The following TENM4 variants were observed in gnomAD, a reference collection of about 807,000 sequenced individuals.
The protein encoded by TENM4 is teneurin-4.
In TENM4, 82 loss-of-function variants were observed where a neutral mutation model predicts 243.3. The ratio of observed to expected loss-of-function variants is 0.34; its 90% confidence interval spans 0.28 to 0.40. The LOEUF is 0.40. Ranked by LOEUF, TENM4 falls within the 10% of genes least tolerant of loss-of-function variation. The probability of loss-of-function intolerance (pLI) is 1.00; values close to 1 mark genes in which losing one functional copy is unlikely to be tolerated. For missense variants in TENM4, 3,138 were observed against 3,673.3 expected (o/e 0.85, Z 3.77); for synonymous variants, 1,412 against 1,456.3 (o/e 0.97, Z 0.69).
chr11:79,030,186 C>T (rs1465630800), intron 6 of TENM4, among the ~76,000 whole-genome samples: 1 of 152,142 alleles, frequency 6.6e-6, no homozygotes, highest in Non-Finnish European at 1.5e-5. Context: ...TTTCATGTAC[C>T]AGGTACTGTG....
chr11:79,418,388 C>T (rs1858862447), intron 1 of TENM4, among the ~76,000 whole-genome samples: 1 of 152,140 alleles, frequency 6.6e-6, no homozygotes, highest in South Asian at 2.1e-4. Flanking sequence ...GTATGCAGGA[C>T]ATGAAAACAA....
chr11:79,009,678 G>A (rs151159881), intron 6 of TENM4, among the ~76,000 whole-genome samples: 11 of 152,242 alleles, frequency 7.2e-5, no homozygotes, highest in East Asian at 1.9e-4. Flanking sequence ...TCCATTTTGC[G>A]GATGAGGAAA....
chr11:78,847,897 G>A (rs774694927), intron 12 of TENM4, among the ~76,000 whole-genome samples: 13 of 152,216 alleles, frequency 8.5e-5, no homozygotes, highest in East Asian at 3.9e-4. Flanking sequence ...TTTTCTCTCC[G>A]GATCTTTGCA....
At chr11:79,391,331 T>C (rs577750) in intron 1 of TENM4, among the ~76,000 whole-genome samples, 64,137 of 151,720 alleles carry the variant, frequency 0.42, 13,527 homozygotes, top group Non-Finnish European at 0.46. Flanking sequence ...AGCCTGCAGA[T>C]GCATTTACTC....
At chr11:79,129,236 A>C (rs2137155347) in intron 4 of TENM4, among the ~76,000 whole-genome samples, 1 of 149,728 alleles carries the variant, frequency 6.7e-6, no homozygotes, top group Middle Eastern at 3.4e-3. Flanking sequence ...GAGCCCAAGC[A>C]GGCCATTCCT....
chr11:78,928,631 G>C (rs778967040), intron 6 of TENM4, among the ~76,000 whole-genome samples: 24 of 152,208 alleles, frequency 1.6e-4, no homozygotes, highest in Non-Finnish European at 2.2e-4. Flanking sequence ...TTTGCTAGCT[G>C]TGTGACTTTG....
chr11:79,044,596 T>C (rs111885797), intron 6 of TENM4, among the ~76,000 whole-genome samples: 334 of 152,346 alleles, frequency 2.2e-3, no homozygotes, highest in African/African-American at 7.8e-3. Flanking sequence ...GAAACTATTA[T>C]GGAGGAAACA....
At chr11:79,434,486 C>T (rs2135620227) in intron 1 of TENM4, among the ~76,000 whole-genome samples, 1 of 152,272 alleles carries the variant, frequency 6.6e-6, no homozygotes, top group South Asian at 2.1e-4. Flanking sequence ...ATGGAGCCAG[C>T]CCCACCTACA....
At chr11:78,857,063 A>C (rs1858697781) in intron 10 of TENM4, among the ~76,000 whole-genome samples, 1 of 149,172 alleles carries the variant, frequency 6.7e-6, no homozygotes, top group Non-Finnish European at 1.5e-5. Flanking sequence ...TTTAGTAATT[A>C]AGCACACTCA....
At chr11:78,714,666 G>A (rs1325801117) in intron 25 of TENM4, among the ~76,000 whole-genome samples, 1 of 152,070 alleles carries the variant, frequency 6.6e-6, no homozygotes, top group Non-Finnish European at 1.5e-5. Context: ...CTGCTGTGCT[G>A]CTCCACCCTC....
At chr11:79,001,888 C>T (rs909625912) in intron 6 of TENM4, among the ~76,000 whole-genome samples, 1 of 152,174 alleles carries the variant, frequency 6.6e-6, no homozygotes, top group African/African-American at 2.4e-5. Context: ...CAGAACATCC[C>T]CTGCCAATGT....
chr11:78,996,776 A>G lies in TENM4; in HGVS notation c.493+67962T>C, dbSNP rs527571410. ...CTAGGAAACAGCATGTTTATGGTAC[A>G]CTGTAGACAGTGCAGTGATTAAGGG... is the stretch of plus-strand genomic sequence containing the variant. On this transcript the variant is annotated intron_variant, in intron 6 of 33. Coordinates refer to ENST00000278550, the MANE Select transcript of TENM4 (RefSeq NM_001098816.3). Among the ~76,000 whole-genome samples the G allele has an allele frequency of 3.9e-5, 6 of 152,252 alleles. 1 individual carries two copies. In the South Asian group the frequency reaches 1.0e-3, roughly 26 times the overall value.
At chr11:79,374,094 T>C (rs1857841357) in intron 1 of TENM4, among the ~76,000 whole-genome samples, 1 of 152,142 alleles carries the variant, frequency 6.6e-6, no homozygotes, top group Non-Finnish European at 1.5e-5. Flanking sequence ...ACAATTTTCA[T>C]GAATTCAAGC....
intron 10 of TENM4, 74 bp downstream of exon 10, chr11:78,862,888 G>A (rs1858858505): frequency 9.3e-6 from 12 of 1,291,174 alleles, no homozygotes; most frequent in South Asian, 2.6e-5. Context: ...CATGATGCAC[G>A]CACGTTATGG....
chr11:78,691,040 A>G (rs546763172), intron 28 of TENM4, among the ~76,000 whole-genome samples: 35 of 152,244 alleles, frequency 2.3e-4, no homozygotes, highest in Admixed American at 2.0e-3. Flanking sequence ...CTTTGACACC[A>G]CTCCTACCAT....
At chr11:79,076,769 A>G (rs1860545427) in intron 4 of TENM4, among the ~76,000 whole-genome samples, 1 of 152,204 alleles carries the variant, frequency 6.6e-6, no homozygotes, top group African/African-American at 2.4e-5. Context: ...AGGAAAAGAA[A>G]GGGCTAGTAA....
chr11:79,186,802 CT>C (rs1863388506), intron 3 of TENM4, among the ~76,000 whole-genome samples: 1 of 152,164 alleles, frequency 6.6e-6, no homozygotes, highest in African/African-American at 2.4e-5. Context: ...TGAATCTATA[CT>C]TGAATGCACT....
chr11:78,726,229 G>T lies in TENM4; in HGVS notation c.3407-7C>A. On this transcript the variant is annotated splice_polypyrimidine_tract_variant and splice_region_variant and intron_variant, in intron 22 of 33. Coordinates refer to ENST00000278550, the MANE Select transcript of TENM4 (RefSeq NM_001098816.3). ...TATTCATAACCCACGGAAACTGTAGGTGACAGAATGAGGCAAAATGCATAA... is the reference window on the plus strand; with the variant it reads ...TATTCATAACCCACGGAAACTGTAGTTGACAGAATGAGGCAAAATGCATAA... 6.2e-7 allele frequency: 1 copy of T among 1,613,394 alleles called. No individual in the cohort carries two copies. The highest frequency in any genetic ancestry group is 8.5e-7 in the Non-Finnish European group (1 of 1,179,590).
intron 27 of TENM4, among the ~76,000 whole-genome samples, chr11:78,706,884 T>C (rs79706246): frequency 0.078 from 11,883 of 152,188 alleles, 510 homozygotes; most frequent in Middle Eastern, 0.14. Context: ...GGAAACTCAC[T>C]AGCCAGCAAG....
Sources: allele counts gnomAD v4.1 joint callset (sites outside exome capture counted in the v4.1 genomes callset), GRCh38; gene constraint gnomAD v4.1.1; transcripts MANE v1.5; gene names NCBI Gene and HGNC (gene_info 2026-07-23, HGNC 2026-07-21).